CDH13: variants seen among roughly 807,000 people sequenced by gnomAD.
CDH13 encodes cadherin-13.
Under a neutral mutation model 63.8 loss-of-function variants are expected in CDH13, and 24 were observed. The ratio of observed to expected loss-of-function variants is 0.38; its 90% CI spans 0.27 to 0.53. The LOEUF (loss-of-function observed/expected upper bound fraction) is 0.53. Ranked by LOEUF, CDH13 falls within the 20% of genes least tolerant of loss-of-function variation. The pLI is 0.85. For synonymous variants in CDH13, 503 were observed against 355.3 expected, an observed-to-expected ratio of 1.42 and a Z score of -4.67; for missense variants, 1,049 against 903.1, an observed-to-expected ratio of 1.16 and a Z score of -2.07.
chr16:83,344,114 C>T (rs1308102385), intron 5 of CDH13, among the ~76,000 whole-genome samples: 1 of 152,202 alleles, frequency 6.6e-6, no homozygotes, highest in Non-Finnish European at 1.5e-5. Flanking sequence ...GGAAGTATTA[C>T]TCTTATCGCT....
chr16:83,494,583 G>C (rs2074093094), intron 7 of CDH13, among the ~76,000 whole-genome samples: 1 of 152,132 alleles, frequency 6.6e-6, no homozygotes, highest in Non-Finnish European at 1.5e-5. Flanking sequence ...AGAGTTTTTG[G>C]GAAGTAACTG....
chr16:82,781,342 G>T (rs1296953361), intron 1 of CDH13, among the ~76,000 whole-genome samples: 1 of 152,048 alleles, frequency 6.6e-6, no homozygotes, highest in African/African-American at 2.4e-5. Flanking sequence ...TCTGCTTGCT[G>T]GTGGTTCAGG....
At chr16:83,218,644 T>C (rs1468573548) in intron 5 of CDH13, among the ~76,000 whole-genome samples, 1 of 151,874 alleles carries the variant, frequency 6.6e-6, no homozygotes, top group Non-Finnish European at 1.5e-5. Flanking sequence ...ATCATGGGAG[T>C]CTCCAAGAAA....
At chr16:83,313,897 A>G (rs534173028) in intron 5 of CDH13, among the ~76,000 whole-genome samples, 1 of 152,300 alleles carries the variant, frequency 6.6e-6, no homozygotes, top group African/African-American at 2.4e-5. Flanking sequence ...CCCATATTAC[A>G]TTGCTAAGGT....
intron 5 of CDH13, among the ~76,000 whole-genome samples, chr16:83,257,464 A>G (rs887917602): frequency 5.3e-5 from 8 of 152,112 alleles, no homozygotes; most frequent in Non-Finnish European, 8.8e-5. Flanking sequence ...TGTCCCACCC[A>G]TCTTCGTTCC....
rs150805626 is a variant in CDH13 at position 83,606,617 on chromosome 16, C to T, written c.1101+4023C>T. On this transcript the variant is annotated intron_variant, in intron 8 of 13. Transcript: ENST00000567109. ...TTATCCAGGCATGTAGTCCCAGCTA[C>T]CTGGGAGGCTGCGGTAGGAGGATCA... Among the ~76,000 whole-genome samples, 1,477 of 151,838 alleles carry T rather than the reference C, an allele frequency of 9.7e-3. 17 individuals are homozygous for T. Among genetic ancestry groups the T allele is most frequent in the African/African-American group, 0.034 (1,390 of 41,312 alleles).
At chr16:83,523,518 C>G (rs892314334) in intron 7 of CDH13, among the ~76,000 whole-genome samples, 12 of 152,118 alleles carry the variant, frequency 7.9e-5, no homozygotes, top group African/African-American at 2.9e-4. Context: ...CAGCCTGTAC[C>G]CTGCCAACCA....
intron 2 of CDH13, among the ~76,000 whole-genome samples, chr16:82,904,871 T>TTCTCCCA (rs1218053453): frequency 1.3e-5 from 2 of 149,744 alleles, no homozygotes; most frequent in African/African-American, 5.1e-5. Flanking sequence ...GAACCTAGGT[T>TTCTCCCA]TGTCCCATGG....
intron 4 of CDH13, among the ~76,000 whole-genome samples, chr16:83,144,184 A>T (rs544823188): frequency 6.6e-6 from 1 of 152,076 alleles, no homozygotes; most frequent in African/African-American, 2.4e-5. Flanking sequence ...GAGCCTACAG[A>T]TGTGGTAAGT....
intron 1 of CDH13, among the ~76,000 whole-genome samples, chr16:82,703,029 A>G (rs2031178341): frequency 6.6e-6 from 1 of 152,156 alleles, no homozygotes; most frequent in South Asian, 2.1e-4. Flanking sequence ...AGTGCTCTAC[A>G]AACACTTACA....
chr16:82,920,523 A>C (rs957341762), intron 2 of CDH13, among the ~76,000 whole-genome samples: 3 of 152,338 alleles, frequency 2.0e-5, no homozygotes, highest in African/African-American at 7.2e-5. Flanking sequence ...CTAGGAATGG[A>C]GTCACCCCAT....
intron 8 of CDH13, among the ~76,000 whole-genome samples, chr16:83,615,808 T>C (rs1232948524): frequency 4.6e-5 from 7 of 152,358 alleles, no homozygotes; most frequent in African/African-American, 1.4e-4. Context: ...AGAGATCATC[T>C]ACTGCAAATT....
rs561766545 is a variant in CDH13 at position 83,489,646 on chromosome 16, T to C, written c.960+2991T>C. ...CAGAGTTTGCAATGTTTTCCTCCCA[T>C]TGAGACTTGGCACTTTTTGTAGGAT... On this transcript the variant is annotated intron_variant, in intron 7 of 13. Transcript: ENST00000567109. Among the ~76,000 whole-genome samples, 203 of 152,312 alleles carry C rather than the reference T, an allele frequency of 1.3e-3. 4 individuals carry two copies. The South Asian group carries it at 0.039, about 29-fold the overall frequency.
chr16:83,210,834 G>C (rs1180935957), intron 4 of CDH13, among the ~76,000 whole-genome samples: 5 of 150,992 alleles, frequency 3.3e-5, no homozygotes, highest in Non-Finnish European at 7.4e-5. Flanking sequence ...TCCTGGATTG[G>C]ATTTTGGATT....
chr16:83,245,630 T>C (rs1904912524), intron 5 of CDH13, among the ~76,000 whole-genome samples: 1 of 152,276 alleles, frequency 6.6e-6, no homozygotes, highest in South Asian at 2.1e-4. Flanking sequence ...AAATTGTTTC[T>C]CAATGCAGTA....
chr16:82,922,856 G>C (rs1322939923), intron 2 of CDH13, among the ~76,000 whole-genome samples: 1 of 152,120 alleles, frequency 6.6e-6, no homozygotes, highest in African/African-American at 2.4e-5. Context: ...CCTTAAATGT[G>C]AGAAGGGTAT....
At chr16:83,749,290 A>G (rs1282803867) in intron 11 of CDH13, among the ~76,000 whole-genome samples, 2 of 152,198 alleles carry the variant, frequency 1.3e-5, no homozygotes, top group South Asian at 2.1e-4. Context: ...CACACAAACC[A>G]TTAGGAGACA....
chr16:83,714,432 C>A (rs1205043934), intron 10 of CDH13, among the ~76,000 whole-genome samples: 1 of 152,178 alleles, frequency 6.6e-6, no homozygotes, highest in Non-Finnish European at 1.5e-5. Context: ...TATGCTGCCC[C>A]AGTGAGCTCA....
At chr16:83,205,756 C>A (rs1215770937) in intron 4 of CDH13, among the ~76,000 whole-genome samples, 1 of 151,912 alleles carries the variant, frequency 6.6e-6, no homozygotes, top group African/African-American at 2.4e-5. Flanking sequence ...AAGTGTGCAC[C>A]ACCACACCCA....
Sources: gnomAD v4.1 joint callset for allele counts (sites outside exome capture counted in the v4.1 genomes callset) on GRCh38, gnomAD v4.1.1 for gene constraint, MANE v1.5 for transcripts, NCBI Gene and HGNC (gene_info 2026-07-23, HGNC 2026-07-21) for gene names.